Variants in CCDC61 observed in about 807,000 individuals in gnomAD.
CCDC61 encodes the protein centrosomal protein CCDC61.
In CCDC61, 55 loss-of-function variants were observed where a neutral mutation model predicts 63.0. The observed-to-expected ratio is 0.87, with a 90% CI of 0.70 to 1.09. The LOEUF (loss-of-function observed/expected upper bound fraction) is 1.09. CCDC61 is among the 50% of genes least tolerant of loss of function. The probability of loss-of-function intolerance (pLI) is 0.00; values close to 1 mark genes in which losing one functional copy is unlikely to be tolerated. For synonymous variants in CCDC61, 270 were observed against 317.0 expected, an observed-to-expected ratio of 0.85 and a Z score of 1.58; for missense variants, 651 against 731.4, an observed-to-expected ratio of 0.89 and a Z score of 1.27.
At chr19:46,000,185 G>A in intron 1 of CCDC61, 1 of 340,762 alleles carries the variant, frequency 2.9e-6, no homozygotes. Flanking sequence ...AAAGGGAAGA[G>A]AGGTGGAAAA....
rs1434704468 is a variant in CCDC61 at position 46,006,621 on chromosome 19, C to T, written c.294C>T (p.Arg98=). ...TYTDLESLRN[R]KMGGRPGSLA... ...CAGACCTGGAGTCCCTGCGGAACCG[C>T]AAGATGGGGGGCCGCCCAGGCTCCT... is the stretch of plus-strand genomic sequence containing the variant. Residue 98 remains arginine (R), a synonymous_variant, in exon 4 of 14, where the codon CGC becomes CGT. Coordinates refer to ENST00000595358, the MANE Select transcript of CCDC61 (RefSeq NM_001267723.2). 2 of 1,613,806 alleles carry T rather than the reference C, an allele frequency of 1.2e-6. No individual in the cohort carries two copies. Among genetic ancestry groups the T allele is most frequent in the African/African-American group, 2.7e-5 (2 of 75,058 alleles).
intron 5 of CCDC61, among the ~76,000 whole-genome samples, chr19:46,009,920 C>CA (rs1227733692): frequency 1.3e-5 from 2 of 152,124 alleles, no homozygotes; most frequent in South Asian, 2.1e-4. Flanking sequence ...AAGATGGCCA[C>CA]AAGGGGGCGC....
rs7271 is a variant in CCDC61, at chr19:46,015,424, G to C, written c.842G>C (p.Arg281Thr). 60 of 1,598,910 alleles carry C rather than the reference G, an allele frequency of 3.8e-5. No individual in the cohort carries two copies. Among genetic ancestry groups the C allele is most frequent in the Admixed American group, 5.0e-5 (3 of 59,706 alleles). ...ACCAGCGAGCTGGCATTGTACAAGA[G>C]GGGGTGAGAGCGAGGCCTGCCAGGC... The part of the protein sequence containing the change: ...TLTSELALYK[R>T]GRRTPPVQPP... The change falls in exon 7 of 14, where the codon AGG (arginine) becomes ACG (threonine). Residue 281 changes from arginine (R) to threonine (T), a missense_variant. Transcript: ENST00000595358. This position sits in a 1 kb window ranked among gnomAD's most constrained non-coding sequence, Gnocchi z 5.3.
chr19:46,004,778 CAG>C lies in CCDC61; in HGVS notation c.231+1278_231+1279del, dbSNP rs1007581160. Among the ~76,000 whole-genome samples the C allele has an allele frequency of 9.4e-5, 14 of 149,604 alleles. No homozygotes were observed. The South Asian group carries it at 1.1e-3, about 11-fold the overall frequency. ...CCGTGCCCAGCCTAAAAGTAATAAT[CAG>C]GGGGAAGAAGCAGGTTAGAACTTAG... is the stretch of plus-strand genomic sequence containing the variant. On this transcript the variant is annotated intron_variant, in intron 3 of 13. Coordinates refer to ENST00000595358, the MANE Select transcript of CCDC61 (RefSeq NM_001267723.2).
Position 46,015,161 on chromosome 19 carries a change from C to T in CCDC61, c.664C>T (p.Leu222=), listed in dbSNP as rs1968901805. Residue 222 remains leucine, a synonymous_variant, in exon 6 of 14, where the codon CTG becomes TTG. Coordinates refer to ENST00000595358, the MANE Select transcript of CCDC61 (RefSeq NM_001267723.2). This position sits in a 1 kb window ranked among gnomAD's most constrained non-coding sequence, Gnocchi z 5.3. ...ARQEAEALRG[L]VRGLELELRQ... ...CCAGGAGGCCGAGGCGCTGCGCGGG[C>T]TGGTGCGCGGGCTGGAGCTGGAGCT... is the stretch of plus-strand genomic sequence containing the variant. The T allele has an allele frequency of 3.2e-6, 4 of 1,266,146 alleles. No homozygotes were observed. Among genetic ancestry groups the T allele is most frequent in the Non-Finnish European group, 4.0e-6 (4 of 1,010,472 alleles). 78.4% of individuals were successfully genotyped at this position (1,266,146 alleles called of 1,614,324 possible). A position where few individuals can be genotyped will look rare whatever the true frequency, so the allele number is the denominator to read the frequency against.
chr19:46,003,855 G>A (rs983277567), intron 3 of CCDC61, among the ~76,000 whole-genome samples: 1 of 145,290 alleles, frequency 6.9e-6, no homozygotes, highest in African/African-American at 2.6e-5. Flanking sequence ...GTGTGTGTGT[G>A]TGTGTGTATG....
At chr19:46,007,249 A>G (rs1968729724) in intron 4 of CCDC61, among the ~76,000 whole-genome samples, 1 of 151,946 alleles carries the variant, frequency 6.6e-6, no homozygotes, top group African/African-American at 2.4e-5. Context: ...GGGTTTTGTC[A>G]TGTTGCCCAG....
chr19:46,004,806 A>G (rs1446927919), intron 3 of CCDC61, among the ~76,000 whole-genome samples: 1 of 142,224 alleles, frequency 7.0e-6, no homozygotes, highest in Non-Finnish European at 1.5e-5. Context: ...TAGAACTTAG[A>G]GTGACAGGGA....
intron 1 of CCDC61, among the ~76,000 whole-genome samples, chr19:46,000,549 G>A (rs913299947): frequency 1.3e-5 from 2 of 151,856 alleles, no homozygotes; most frequent in Non-Finnish European, 2.9e-5. Flanking sequence ...TGGAGTGGGA[G>A]GTTCTGCAGA....
intron 3 of CCDC61, among the ~76,000 whole-genome samples, chr19:46,003,820 CGTGTGTGTGTGTGT>C (rs55945123): frequency 2.8e-5 from 4 of 143,902 alleles, no homozygotes; most frequent in African/African-American, 2.6e-5. Context: ...TTTCCAAATA[CGTGTGTGTGTGTGT>C]GTGTGTGTGT....
chr19:46,003,591 C>CTGT, intron 3 of CCDC61, 90 bp downstream of exon 3: 1 of 785,140 alleles, frequency 1.3e-6, no homozygotes, highest in Non-Finnish European at 2.1e-6. Flanking sequence ...TATGTAAGAC[C>CTGT]CTCTACCTTC....
chr19:46,011,120 G>A (rs752923708), intron 5 of CCDC61, among the ~76,000 whole-genome samples: 7 of 150,602 alleles, frequency 4.6e-5, no homozygotes, highest in Non-Finnish European at 1.0e-4. Context: ...TACGATCTTG[G>A]CTCGCTGTGT....
intron 5 of CCDC61, among the ~76,000 whole-genome samples, chr19:46,013,213 G>A (rs1968862207): frequency 6.6e-6 from 1 of 152,008 alleles, no homozygotes; most frequent in Non-Finnish European, 1.5e-5. Flanking sequence ...TAGTAGAGAG[G>A]GGGTTTCACC....
intron 1 of CCDC61, among the ~76,000 whole-genome samples, chr19:46,002,319 C>G (rs1968606146): frequency 6.6e-6 from 1 of 152,008 alleles, no homozygotes; most frequent in African/African-American, 2.4e-5. Flanking sequence ...TGACTTTTCT[C>G]CACAAATGTT....
At position 46,018,309 on chromosome 19, in the gene CCDC61, G is replaced by C; in HGVS notation, c.1461G>C (p.Gln487His). 6.4e-7 allele frequency: 1 copy of C among 1,571,320 alleles called. No homozygotes were observed. The highest frequency in any genetic ancestry group is 8.6e-7 in the Non-Finnish European group (1 of 1,158,734). The part of the protein sequence containing the change: ...VPIKEYSSEH[Q>H]AADMAEIDAR... ...TCACAGAGTACAGCTCGGAGCACCA[G>C]GCGGCTGACATGGCCGAAATAGACG... The change falls in exon 14 of 14, where the codon CAG (glutamine) becomes CAC (histidine). Residue 487 changes from glutamine (Q) to histidine (H), a missense_variant. Transcript: ENST00000595358. This position sits in a 1 kb window ranked among gnomAD's most constrained non-coding sequence, Gnocchi z 4.2.
chr19:46,001,260 T>C (rs1968586569), intron 1 of CCDC61, among the ~76,000 whole-genome samples: 2 of 152,178 alleles, frequency 1.3e-5, no homozygotes, highest in Non-Finnish European at 2.9e-5. Flanking sequence ...AGAATCTTGC[T>C]CTGTTACCCA....
chr19:46,003,193 C>T, intron 2 of CCDC61, 27 bp downstream of exon 2: 1 of 1,585,358 alleles, frequency 6.3e-7, no homozygotes, highest in Admixed American at 1.7e-5. Context: ...GGGGTGGGCT[C>T]ACCTTTCCTC....
intron 1 of CCDC61, among the ~76,000 whole-genome samples, chr19:46,000,705 A>G (rs1308144353): frequency 2.0e-5 from 3 of 151,380 alleles, no homozygotes; most frequent in Admixed American, 2.0e-4. Context: ...TGCCTAGAGG[A>G]GGGGAAGGGG....
In CCDC61 at chr19:46,016,595, AG is replaced by A; in HGVS notation, c.1092-97del. The A allele has an allele frequency of 6.5e-7, 1 of 1,536,984 alleles. No homozygotes were observed. On this transcript the variant is annotated intron_variant, in intron 9 of 13. Coordinates refer to ENST00000595358, the MANE Select transcript of CCDC61 (RefSeq NM_001267723.2). The surrounding 1 kb of genome is among the most constrained non-coding windows in gnomAD (Gnocchi z 7.2). ...TTTCCGCTCGTAGGCCTGTCACCTC[AG>A]GCTTTCGCTGGCGTGGCTGTGACCT...
Sources: allele counts gnomAD v4.1 joint callset (sites outside exome capture counted in the v4.1 genomes callset), GRCh38; gene constraint gnomAD v4.1.1; non-coding constraint Gnocchi (gnomAD v3.1); transcripts MANE v1.5; gene names NCBI Gene and HGNC (gene_info 2026-07-23, HGNC 2026-07-21).